ITGA8: variants seen among roughly 807,000 people sequenced by gnomAD.
ITGA8 encodes the protein integrin subunit alpha 8.
In ITGA8, 91 loss-of-function variants were observed where a neutral mutation model predicts 142.3. The ratio of observed to expected loss-of-function variants is 0.64; its 90% CI spans 0.54 to 0.76. The LOEUF is 0.76. Ranked by LOEUF, ITGA8 falls within the 30% of genes least tolerant of loss-of-function variation. The probability of loss-of-function intolerance (pLI) is 0.00; values close to 1 mark genes in which losing one functional copy is unlikely to be tolerated. For missense variants in ITGA8, 1,406 were observed against 1,327.7 expected (o/e 1.06, Z -0.92); for synonymous variants, 505 against 485.2 (o/e 1.04, Z -0.54).
intron 11 of ITGA8, among the ~76,000 whole-genome samples, chr10:15,651,737 C>A (rs553607667): frequency 6.6e-6 from 1 of 152,152 alleles, no homozygotes; most frequent in Non-Finnish European, 1.5e-5. Flanking sequence ...CACTTCTGAA[C>A]CATGAGCAAT....
At chr10:15,652,269 T>G (rs1184238104) in intron 11 of ITGA8, among the ~76,000 whole-genome samples, 1 of 152,218 alleles carries the variant, frequency 6.6e-6, no homozygotes, top group Non-Finnish European at 1.5e-5. Flanking sequence ...AGAAGGACGG[T>G]GCCCTGCAGG....
At chr10:15,666,102 C>T (rs1444422573) in intron 8 of ITGA8, among the ~76,000 whole-genome samples, 2 of 152,164 alleles carry the variant, frequency 1.3e-5, no homozygotes, top group East Asian at 3.9e-4. Flanking sequence ...TATAAATTAC[C>T]TTGGGCAGTA....
rs1834545525 is a variant in ITGA8 at position 15,672,618 on chromosome 10, T to A, written c.802+6A>T. 1 of 1,611,250 alleles carries A rather than the reference T, an allele frequency of 6.2e-7. No individual in the cohort carries two copies. The highest frequency in any genetic ancestry group is 1.1e-5 in the South Asian group (1 of 90,468). ...AACCACAAATGTCTTGGGCAATGGG[T>A]CTTACCAAGGTAACTGTCATCATAG... On this transcript the variant is annotated splice_donor_region_variant and intron_variant, in intron 7 of 29. Coordinates refer to ENST00000378076, the MANE Select transcript of ITGA8 (RefSeq NM_003638.3).
intron 27 of ITGA8, among the ~76,000 whole-genome samples, chr10:15,536,424 TGGCACA>T (rs1472924442): frequency 1.3e-5 from 2 of 152,220 alleles, no homozygotes; most frequent in Non-Finnish European, 2.9e-5. Flanking sequence ...ATCAGAGGCA[TGGCACA>T]GGTGAGTATT....
chr10:15,648,680 G>C lies in ITGA8; in HGVS notation c.1002-1629C>G, dbSNP rs146367236. On this transcript the variant is annotated intron_variant, in intron 11 of 29. Transcript: ENST00000378076. ...AGGTGGGAACAGTTACTGAGAACAA[G>C]AAACTTTCTTCAAGATCTGAGCAGT... Among the ~76,000 whole-genome samples, 616 of 152,126 alleles carry C rather than the reference G, an allele frequency of 4.0e-3. 4 individuals are homozygous for C. Among genetic ancestry groups the C allele is most frequent in the African/African-American group, 0.014 (580 of 41,518 alleles).
At chr10:15,570,652 A>T (rs1380312128) in intron 25 of ITGA8, among the ~76,000 whole-genome samples, 2 of 149,948 alleles carry the variant, frequency 1.3e-5, no homozygotes, top group Admixed American at 6.6e-5. Flanking sequence ...AGTGGGGAGT[A>T]GGGAACACCA....
At chr10:15,668,944 C>A (rs1834452588) in intron 8 of ITGA8, among the ~76,000 whole-genome samples, 1 of 152,188 alleles carries the variant, frequency 6.6e-6, no homozygotes, top group Non-Finnish European at 1.5e-5. Context: ...TCTCTGGCTG[C>A]CCTTAACATT....
intron 28 of ITGA8, among the ~76,000 whole-genome samples, chr10:15,525,838 G>A (rs952238062): frequency 6.6e-6 from 1 of 151,868 alleles, no homozygotes; most frequent in Non-Finnish European, 1.5e-5. Flanking sequence ...ATTTTAATAT[G>A]TAATTGATAT....
At chr10:15,595,034 C>A (rs895806399) in intron 21 of ITGA8, among the ~76,000 whole-genome samples, 1 of 152,106 alleles carries the variant, frequency 6.6e-6, no homozygotes, top group South Asian at 2.1e-4. Flanking sequence ...TTGACCCCAC[C>A]GTTTAAAAAA....
At position 15,519,051 on chromosome 10, in the gene ITGA8, A is replaced by G. The variant is rs543462993; in HGVS notation, c.3105+239T>C. 4.4e-4 allele frequency among the ~76,000 whole-genome samples: 67 copies of G among 152,340 alleles called. No individual in the cohort carries two copies. The South Asian group carries it at 0.012, about 28-fold the overall frequency. On this transcript the variant is annotated intron_variant, in intron 29 of 29. Transcript: ENST00000378076. ...AGCCTAACTCTCTCTACATTTATTT[A>G]CAAGAAATCTCAAGATGAAAGCAAC... is the stretch of plus-strand genomic sequence containing the variant.
At position 15,644,360 on chromosome 10, in the gene ITGA8, C is replaced by T. The variant is rs4748192; in HGVS notation, c.1208-139G>A. Reference sequence around the variant, plus strand: ...ATGGCTCACCGCAGCCCCACACTCCCGGACTCAAGTGATCCTCCTGCCTCA... The same window carrying T: ...ATGGCTCACCGCAGCCCCACACTCCTGGACTCAAGTGATCCTCCTGCCTCA... On this transcript the variant is annotated intron_variant, in intron 12 of 29. Transcript: ENST00000378076. 626,669 of 652,532 alleles carry T rather than the reference C, an allele frequency of 0.96. 304,083 individuals are homozygous for T. Among genetic ancestry groups the T allele is most frequent in the Non-Finnish European group, 1 (410,120 of 411,506 alleles). 40.4% of individuals were successfully genotyped at this position (652,532 alleles called of 1,614,324 possible).
At chr10:15,583,650 G>C (rs1001692100) in intron 23 of ITGA8, among the ~76,000 whole-genome samples, 6 of 151,988 alleles carry the variant, frequency 3.9e-5, no homozygotes, top group Non-Finnish European at 7.4e-5. Flanking sequence ...GATCATTCCG[G>C]AAAAAGGCAA....
intron 11 of ITGA8, among the ~76,000 whole-genome samples, chr10:15,649,234 A>T (rs1468209171): frequency 6.6e-6 from 1 of 152,146 alleles, no homozygotes; most frequent in East Asian, 1.9e-4. Context: ...ATGAGGAAAA[A>T]ATATGTAACA....
chr10:15,548,060 G>T (rs1276083243), intron 27 of ITGA8, among the ~76,000 whole-genome samples: 1 of 149,380 alleles, frequency 6.7e-6, no homozygotes, highest in African/African-American at 2.6e-5. Context: ...ATTGAAAAAT[G>T]TAAAAAAAAT....
chr10:15,704,857 C>A (rs1407947473), intron 2 of ITGA8, among the ~76,000 whole-genome samples: 1 of 152,172 alleles, frequency 6.6e-6, no homozygotes, highest in Non-Finnish European at 1.5e-5. Flanking sequence ...ATTTGCCTCC[C>A]AATAACACTT....
rs1025972364 is a variant in ITGA8 at position 15,688,350 on chromosome 10, A to AG, written c.344-313dup. 1.0e-3 allele frequency among the ~76,000 whole-genome samples: 156 copies of AG among 150,268 alleles called. 2 individuals carry two copies. The highest frequency in any genetic ancestry group is 1.7e-3 in the Non-Finnish European group (114 of 67,692). On this transcript the variant is annotated intron_variant, in intron 2 of 29. Coordinates refer to ENST00000378076, the MANE Select transcript of ITGA8 (RefSeq NM_003638.3). ...GCTGGGCGTGGTGGCTTATGCCTGT[A>AG]GTCCCAGCTACTTGGGAGGCTGAGA...
At chr10:15,574,684 C>T (rs970374827) in intron 24 of ITGA8, among the ~76,000 whole-genome samples, 15 of 150,436 alleles carry the variant, frequency 1.0e-4, no homozygotes, top group African/African-American at 2.2e-4. Context: ...CCACCACACC[C>T]GGGCGCTTTT....
chr10:15,619,480 C>T (rs1390585684), intron 13 of ITGA8, among the ~76,000 whole-genome samples: 2 of 152,186 alleles, frequency 1.3e-5, no homozygotes, highest in Admixed American at 6.5e-5. Context: ...GCTCCATATT[C>T]ATGGCATTAA....
At chr10:15,536,560 C>G (rs927599556) in intron 27 of ITGA8, among the ~76,000 whole-genome samples, 1 of 152,146 alleles carries the variant, frequency 6.6e-6, no homozygotes, top group African/African-American at 2.4e-5. Flanking sequence ...TCAATATAAC[C>G]TCTCTCCCAT....
Sources: allele counts gnomAD v4.1 joint callset (sites outside exome capture counted in the v4.1 genomes callset), GRCh38; gene constraint gnomAD v4.1.1; transcripts MANE v1.5; gene names NCBI Gene and HGNC (gene_info 2026-07-23, HGNC 2026-07-21).